ATL3: variants seen among roughly 807,000 people sequenced by gnomAD.
ATL3 encodes atlastin GTPase 3.
A neutral mutation model predicts 69.5 loss-of-function variants in ATL3; 49 were observed. The observed-to-expected ratio is 0.71, with a 90% CI of 0.56 to 0.89. The LOEUF is 0.89. Among genes scored for constraint, ATL3 ranks in the 40% least tolerant of loss-of-function variants. The probability of loss-of-function intolerance (pLI) is 0.00; values close to 1 mark genes in which losing one functional copy is unlikely to be tolerated. For synonymous variants in ATL3, 214 were observed against 224.1 expected (o/e 0.95, Z 0.40); for missense variants, 606 against 645.7 (o/e 0.94, Z 0.67).
intron 10 of ATL3, among the ~76,000 whole-genome samples, chr11:63,634,506 C>CA (rs879349075): frequency 4.5e-4 from 61 of 135,684 alleles, no homozygotes; most frequent in South Asian, 2.1e-3. Context: ...GATTCCACCT[C>CA]AAAAAAAAAA....
chr11:63,636,090 C>G, intron 9 of ATL3, 117 bp downstream of exon 9: 1 of 1,355,234 alleles, frequency 7.4e-7, no homozygotes, highest in Non-Finnish European at 1.0e-6. Flanking sequence ...GAAAATGCCT[C>G]TCACCATCTC....
intron 8 of ATL3, among the ~76,000 whole-genome samples, chr11:63,641,703 C>T (rs1441741480): frequency 6.6e-6 from 1 of 152,158 alleles, no homozygotes; most frequent in Non-Finnish European, 1.5e-5. Context: ...TTTCCGTTGT[C>T]TTAAGCCACC....
In ATL3 at chr11:63,652,549, CT is replaced by C; in HGVS notation, c.431del (p.Gln144ArgfsTer10). Reference protein sequence around the residue: ...KKVAVVLMDTQGAFDSQSTVK... With the variant: ...KKVAVVLMDTXGAFDSQSTVK... ...CAGTTGACTGGCTGTCAAATGCCCC[CT>C]GGGTATCCATCAGAACAACTGCAAC... On this transcript the variant is annotated frameshift_variant, in exon 4 of 13. Transcript: ENST00000398868. LOFTEE classifies it high-confidence loss of function. 2.5e-6 allele frequency: 4 copies of C among 1,611,216 alleles called. No homozygotes were observed. Among genetic ancestry groups the C allele is most frequent in the Non-Finnish European group, 2.5e-6 (3 of 1,178,158 alleles).
chr11:63,643,358 T>A lies in ATL3; in HGVS notation c.849A>T (p.Lys283Asn). The A allele has an allele frequency of 6.2e-7, 1 of 1,604,870 alleles. No individual in the cohort carries two copies. Among genetic ancestry groups the A allele is most frequent in the Non-Finnish European group, 8.5e-7 (1 of 1,176,398 alleles). The part of the protein sequence containing the change: ...ATSPDFDGKL[K>N]DIAGEFKEQL... Reference sequence around the variant, plus strand: ...TTTAAAATAACACCTGGAACACACCTTTTAATTTCCCATCAAAGTCAGGGC... The same window carrying A: ...TTTAAAATAACACCTGGAACACACCATTTAATTTCCCATCAAAGTCAGGGC... The change falls in exon 8 of 13, where the codon AAA (lysine) becomes AAT (asparagine). Residue 283 changes from lysine (K) to asparagine (N), a missense_variant and splice_region_variant. Lys to Asn is a moderately conservative substitution (Grantham distance 94, BLOSUM62 0). Coordinates refer to ENST00000398868, the MANE Select transcript of ATL3 (RefSeq NM_015459.5).
intron 1 of ATL3, among the ~76,000 whole-genome samples, chr11:63,670,177 G>C (rs559486143): frequency 1.2e-4 from 18 of 152,260 alleles, no homozygotes; most frequent in African/African-American, 4.1e-4. Flanking sequence ...GTGTTTACAG[G>C]TGTTAGAGCG....
chr11:63,650,773 G>A (rs1311576110), intron 5 of ATL3: 1 of 152,124 alleles, frequency 6.6e-6, no homozygotes, highest in South Asian at 2.1e-4. Flanking sequence ...ATGGTTGAAA[G>A]GAAGGAGCTT....
upstream of ATL3, chr11:63,671,421 G>C: frequency 6.6e-7 from 1 of 1,515,560 alleles, no homozygotes; most frequent in Non-Finnish European, 8.8e-7. Flanking sequence ...CCTGGAAGCG[G>C]GAAACGGGCG....
At chr11:63,640,220 C>T (rs1042521497) in intron 8 of ATL3, among the ~76,000 whole-genome samples, 8 of 152,290 alleles carry the variant, frequency 5.3e-5, no homozygotes, top group Admixed American at 4.6e-4. Flanking sequence ...CTACCGCACC[C>T]GGCCTCTACC....
chr11:63,630,265 A>C (rs1018454089), intron 12 of ATL3, among the ~76,000 whole-genome samples: 2 of 151,342 alleles, frequency 1.3e-5, no homozygotes, highest in African/African-American at 4.9e-5. Context: ...AAAAAAAAAA[A>C]AATACAGAAA....
chr11:63,629,417 C>A lies in ATL3; in HGVS notation c.1540-12G>T, dbSNP rs1184124870. 3 of 1,610,930 alleles carry A rather than the reference C, an allele frequency of 1.9e-6. No individual in the cohort carries two copies. The highest frequency in any genetic ancestry group is 2.5e-6 in the Non-Finnish European group (3 of 1,177,096). ...ATATGAGAAGAAGCCTGCAAAAGTC[C>A]ATTTATTCAACATATAAGTTAATAA... is the stretch of plus-strand genomic sequence containing the variant. On this transcript the variant is annotated splice_polypyrimidine_tract_variant and intron_variant, in intron 12 of 12. Transcript: ENST00000398868.
At position 63,652,421 on chromosome 11, in the gene ATL3, C is replaced by T. The variant is rs551933203; in HGVS notation, c.510+50G>A. 9.7e-5 allele frequency: 116 copies of T among 1,197,012 alleles called. 1 individual carries two copies. In the East Asian group the frequency reaches 1.7e-3, roughly 17 times the overall value. The allele number at this position is 1,197,012 out of a possible 1,614,324, so 74.1% of individuals were successfully genotyped here. A position where few individuals can be genotyped will look rare whatever the true frequency, so the allele number is the denominator to read the frequency against. On this transcript the variant is annotated intron_variant, in intron 4 of 12. Transcript: ENST00000398868. ...CAATAACCAAAACTGTATTTCCTCCCTTTATCTTATTTCCTTTGCGAGCTT... is the reference window on the plus strand; with the variant it reads ...CAATAACCAAAACTGTATTTCCTCCTTTTATCTTATTTCCTTTGCGAGCTT...
At position 63,629,399 on chromosome 11, in the gene ATL3, A is replaced by G; in HGVS notation, c.1546T>C (p.Ser516Pro). 2 of 1,614,026 alleles carry G rather than the reference A, an allele frequency of 1.2e-6. No individual in the cohort carries two copies. The highest frequency in any genetic ancestry group is 1.7e-6 in the Non-Finnish European group (2 of 1,179,874). Residue 516 changes from serine to proline, a missense_variant, in exon 13 of 13, where the codon TCT becomes CCT. Coordinates refer to ENST00000398868, the MANE Select transcript of ATL3 (RefSeq NM_015459.5). ...GAAYVLEQAS[S>P]HIGNSTQATV... is the part of the protein sequence containing the mutation. ...GCCTGAGTGGAATTACCGATATGAG[A>G]AGAAGCCTGCAAAAGTCCATTTATT... is the stretch of plus-strand genomic sequence containing the variant.
chr11:63,662,923 A>G (rs779676613), intron 1 of ATL3, among the ~76,000 whole-genome samples: 6 of 152,220 alleles, frequency 3.9e-5, no homozygotes, highest in Non-Finnish European at 7.3e-5. Flanking sequence ...AAAGCTTAGT[A>G]CTGACAGGCA....
chr11:63,669,177 G>C (rs1042658197), intron 1 of ATL3, among the ~76,000 whole-genome samples: 1 of 152,016 alleles, frequency 6.6e-6, no homozygotes, highest in African/African-American at 2.4e-5. Flanking sequence ...AGGAAAGCCT[G>C]TCTTCTAATC....
intron 10 of ATL3, among the ~76,000 whole-genome samples, chr11:63,633,349 A>G (rs1434709814): frequency 6.6e-6 from 1 of 152,140 alleles, no homozygotes; most frequent in African/African-American, 2.4e-5. Flanking sequence ...CAAAAATTAA[A>G]TCTCCAAAAT....
rs926435983 is a variant in ATL3, at chr11:63,624,747, A to G, written c.*4572T>C. 2 of 152,240 alleles carry G rather than the reference A, an allele frequency of 1.3e-5. No homozygotes were observed. Among genetic ancestry groups the G allele is most frequent in the African/African-American group, 4.8e-5 (2 of 41,456 alleles). 9.4% of individuals were successfully genotyped at this position (152,240 alleles called of 1,614,324 possible). A position where few individuals can be genotyped will look rare whatever the true frequency, so the allele number is the denominator to read the frequency against. ...TATGACAATGGAGAAAAACAGCTTT[A>G]AAGAGCTTAGATAATCCTCTGAATT... On this transcript the variant is annotated 3_prime_UTR_variant, in exon 13 of 13. Coordinates refer to ENST00000398868, the MANE Select transcript of ATL3 (RefSeq NM_015459.5).
chr11:63,633,231 A>G (rs986601021), intron 10 of ATL3, 134 bp from the exon 11 acceptor site: 63 of 689,940 alleles, frequency 9.1e-5, no homozygotes, highest in Non-Finnish European at 1.5e-4. Context: ...ATTTCCATAT[A>G]GTTCAACTGA....
In ATL3 at chr11:63,628,834, C is replaced by CAAAAAAAAAAAAA. The variant is rs551769719; in HGVS notation, c.*472_*484dup. On this transcript the variant is annotated 3_prime_UTR_variant, in exon 13 of 13. Transcript: ENST00000398868. ...CTGGTGACAGAGCGAGACTCCAACT[C>CAAAAAAAAAAAAA]AAAAAAAAAAAAAAAAAAAAAAAGA... 1.6e-5 allele frequency: 1 copy of CAAAAAAAAAAAAA among 61,708 alleles called. No homozygotes were observed. The highest frequency in any genetic ancestry group is 3.2e-5 in the Non-Finnish European group (1 of 31,178). 3.8% of individuals were successfully genotyped at this position (61,708 alleles called of 1,614,324 possible).
chr11:63,647,156 T>C (rs1939910411), intron 5 of ATL3, among the ~76,000 whole-genome samples: 1 of 152,204 alleles, frequency 6.6e-6, no homozygotes, highest in African/African-American at 2.4e-5. Flanking sequence ...CCGAAAAAGA[T>C]TACAAGTTTG....
Sources: allele counts gnomAD v4.1 joint callset (sites outside exome capture counted in the v4.1 genomes callset), GRCh38; gene constraint gnomAD v4.1.1; transcripts MANE v1.5; gene names NCBI Gene and HGNC (gene_info 2026-07-23, HGNC 2026-07-21).